The following DPP6 variants were observed in gnomAD, a reference collection of about 807,000 sequenced individuals.
DPP6 encodes A-type potassium channel modulatory protein DPP6.
In DPP6, 69 loss-of-function variants were observed where a neutral mutation model predicts 122.6. The observed-to-expected ratio is 0.56, with a 90% CI of 0.46 to 0.69. The LOEUF is 0.69. DPP6 is among the 30% of genes least tolerant of loss of function. DPP6 has a pLI of 0.00. For synonymous variants in DPP6, 418 were observed against 433.1 expected, an observed-to-expected ratio of 0.97 and a Z score of 0.43; for missense variants, 928 against 1,116.9, an observed-to-expected ratio of 0.83 and a Z score of 2.41.
intron 1 of DPP6, among the ~76,000 whole-genome samples, chr7:154,245,456 G>A (rs1001666424): frequency 1.3e-5 from 2 of 150,584 alleles, no homozygotes; most frequent in African/African-American, 2.4e-5. Flanking sequence ...CCAACATGGT[G>A]AAACCCTGTC....
chr7:154,162,729 C>T (rs10264431), intron 1 of DPP6, among the ~76,000 whole-genome samples: 35,200 of 151,738 alleles, frequency 0.23, 8,157 homozygotes, highest in African/African-American at 0.6. Context: ...ATTGCTAACA[C>T]TGAGTGGAAT....
chr7:154,709,110 T>A (rs1429802258), intron 7 of DPP6, among the ~76,000 whole-genome samples: 2 of 152,156 alleles, frequency 1.3e-5, no homozygotes, highest in African/African-American at 4.8e-5. Flanking sequence ...ACCATTATAT[T>A]ATATGGCCTT....
chr7:154,304,060 C>T (rs1035265785), intron 1 of DPP6, among the ~76,000 whole-genome samples: 1 of 152,214 alleles, frequency 6.6e-6, no homozygotes, highest in Non-Finnish European at 1.5e-5. Flanking sequence ...ACTAGAGTGA[C>T]TGATTCAGGC....
intron 19 of DPP6, 116 bp downstream of exon 19, chr7:154,872,809 A>G: frequency 1.3e-6 from 2 of 1,520,602 alleles, no homozygotes; most frequent in South Asian, 1.2e-5. Context: ...ACATTGTTGC[A>G]AACTGAAAAC....
intron 1 of DPP6, among the ~76,000 whole-genome samples, chr7:154,389,475 A>C (rs1482439590): frequency 6.6e-6 from 1 of 152,170 alleles, no homozygotes; most frequent in Non-Finnish European, 1.5e-5. Flanking sequence ...TGCTGAAAAA[A>C]ATCAGTGTCT....
At chr7:153,767,407 G>A in the DPP6 span, among the ~76,000 whole-genome samples, 22 of 152,094 alleles carry the variant, frequency 1.4e-4, no homozygotes, top group Non-Finnish European at 2.9e-4. Flanking sequence ...CACTCTTGTC[G>A]CTCAGACTGG....
intron 1 of DPP6, among the ~76,000 whole-genome samples, chr7:154,007,332 A>G (rs1360658002): frequency 6.6e-6 from 1 of 152,354 alleles, no homozygotes; most frequent in Non-Finnish European, 1.5e-5. Flanking sequence ...AATTTGTACA[A>G]TAGTGGTTTT....
intron 5 of DPP6, among the ~76,000 whole-genome samples, chr7:154,627,179 AT>A (rs1180558859): frequency 8.0e-5 from 9 of 112,090 alleles, no homozygotes; most frequent in Non-Finnish European, 1.3e-4. Flanking sequence ...CGCCTGGCTA[AT>A]TTTTTTTCCT....
At chr7:153,944,024 T>A (rs1338567036) in intron 1 of DPP6, among the ~76,000 whole-genome samples, 1 of 152,184 alleles carries the variant, frequency 6.6e-6, no homozygotes, top group Non-Finnish European at 1.5e-5. Flanking sequence ...CAAATGAGCA[T>A]CTGCTGTGTT....
intron 1 of DPP6, among the ~76,000 whole-genome samples, chr7:154,198,939 C>T (rs1283743336): frequency 6.6e-6 from 1 of 152,104 alleles, no homozygotes; most frequent in African/African-American, 2.4e-5. Context: ...CTGCTATAGC[C>T]CATGAACACA....
At chr7:153,991,551 C>T (rs1167363284) in intron 1 of DPP6, among the ~76,000 whole-genome samples, 1 of 152,176 alleles carries the variant, frequency 6.6e-6, no homozygotes, top group Non-Finnish European at 1.5e-5. Context: ...TTAGAGTCTT[C>T]TTTCCCCTGG....
chr7:153,955,888 T>C (rs1458568780), intron 1 of DPP6, among the ~76,000 whole-genome samples: 1 of 152,116 alleles, frequency 6.6e-6, no homozygotes, highest in Admixed American at 6.5e-5. Flanking sequence ...CTCTCAGATA[T>C]AGCTACTGAA....
chr7:153,929,593 A>C (rs1378078221), intron 1 of DPP6, among the ~76,000 whole-genome samples: 1 of 151,974 alleles, frequency 6.6e-6, no homozygotes, highest in Non-Finnish European at 1.5e-5. Flanking sequence ...AGCCCTGGGG[A>C]AAGTACAGAC....
At chr7:154,815,980 T>C in intron 16 of DPP6, among the ~76,000 whole-genome samples, 1 of 152,210 alleles carries the variant, frequency 6.6e-6, no homozygotes, top group East Asian at 1.9e-4. Context: ...TTCCCCAAGA[T>C]CTTCTGTCAT....
intron 1 of DPP6, among the ~76,000 whole-genome samples, chr7:154,188,590 C>T (rs575848102): frequency 2.6e-5 from 4 of 152,212 alleles, no homozygotes; most frequent in African/African-American, 7.2e-5. Context: ...AGGAGGACCC[C>T]TAACCCTGTC....
intron 16 of DPP6, among the ~76,000 whole-genome samples, chr7:154,809,344 T>C (rs1311940151): frequency 6.6e-6 from 1 of 152,114 alleles, no homozygotes; most frequent in African/African-American, 2.4e-5. Flanking sequence ...TGGTGGCCCC[T>C]CTTTAATTAT....
the DPP6 span, among the ~76,000 whole-genome samples, chr7:153,868,591 T>TA: frequency 6.6e-6 from 1 of 152,156 alleles, no homozygotes; most frequent in Non-Finnish European, 1.5e-5. Context: ...GTTGATCTTT[T>TA]AAAAAAACCA....
At chr7:154,101,439 T>A (rs1267050185) in intron 1 of DPP6, among the ~76,000 whole-genome samples, 1 of 150,304 alleles carries the variant, frequency 6.7e-6, no homozygotes, top group African/African-American at 2.4e-5. Flanking sequence ...TCAGCACACA[T>A]CAGTACAATT....
At position 154,403,240 on chromosome 7, in the gene DPP6, C is replaced by T. The variant is rs1036937350; in HGVS notation, c.244-42974C>T. Among the ~76,000 whole-genome samples the T allele has an allele frequency of 1.3e-5, 2 of 152,222 alleles. No homozygotes were observed. Among genetic ancestry groups the T allele is most frequent in the Non-Finnish European group, 2.9e-5 (2 of 68,046 alleles). On this transcript the variant is annotated intron_variant, in intron 1 of 25. Coordinates refer to ENST00000377770, the MANE Select transcript of DPP6 (RefSeq NM_130797.4). This position sits in a 1 kb window ranked among gnomAD's most constrained non-coding sequence, Gnocchi z 4.1. The stretch of plus-strand genomic sequence containing the variant: ...ATTTGGGTCCATCACTGGCGATGTG[C>T]TGCTGGCCTCAGAATGTCTGCCTCT...
Sources: allele counts gnomAD v4.1 joint callset (sites outside exome capture counted in the v4.1 genomes callset), GRCh38; gene constraint gnomAD v4.1.1; non-coding constraint Gnocchi (gnomAD v3.1); transcripts MANE v1.5; gene names NCBI Gene and HGNC (gene_info 2026-07-23, HGNC 2026-07-21).